VPS26C: variants seen among roughly 807,000 people sequenced by gnomAD.
VPS26C encodes the protein vacuolar protein sorting-associated protein 26C.
VPS26C carries 19 observed loss-of-function variants against 30.6 expected under a neutral mutation model. The observed-to-expected ratio is 0.62, with a 90% CI of 0.43 to 0.91. The LOEUF (loss-of-function observed/expected upper bound fraction) is 0.91. VPS26C is among the 40% of genes least tolerant of loss of function. VPS26C has a pLI of 0.00. For synonymous variants in VPS26C, 132 were observed against 151.5 expected (o/e 0.87, Z 0.95); for missense variants, 318 against 385.1 (o/e 0.83, Z 1.46).
Position 37,227,675 on chromosome 21 carries a change from C to G in VPS26C, c.790G>C (p.Glu264Gln). Residue 264 changes from glutamate to glutamine, a missense_variant, in exon 7 of 8, where the codon GAG (glutamate) becomes CAG (glutamine). Physicochemically the swap from Glu to Gln is conservative, Grantham distance 29. Transcript: ENST00000309117. ...TTACCCACTTTGAAGTTGGTGGTCTCCAGTGTAGGGCAGGTGAACAGCCTA... is the reference window on the plus strand; with the variant it reads ...TTACCCACTTTGAAGTTGGTGGTCTGCAGTGTAGGGCAGGTGAACAGCCTA... ...FPRLFTCPTL[E>Q]TTNFKVEFEV... is the part of the protein sequence containing the mutation. 6.2e-7 allele frequency: 1 copy of G among 1,614,136 alleles called. No individual in the cohort carries two copies. Among genetic ancestry groups the G allele is most frequent in the South Asian group, 1.1e-5 (1 of 91,086 alleles).
At chr21:37,227,139 T>A (rs2027601) in intron 7 of VPS26C, 1 of 153,052 alleles carries the variant, frequency 6.5e-6, no homozygotes, top group Non-Finnish European at 1.5e-5. Context: ...CCTTCCTGCT[T>A]CTGAGCGCTC....
At chr21:37,266,898 C>G (rs2086368290) in intron 1 of VPS26C, 1 of 400,430 alleles carries the variant, frequency 2.5e-6, no homozygotes, top group Admixed American at 4.6e-5. Context: ...CCGCCCTCAG[C>G]GCTCACTGAG....
At chr21:37,244,590 G>T in intron 1 of VPS26C, among the ~76,000 whole-genome samples, 1 of 152,124 alleles carries the variant, frequency 6.6e-6, no homozygotes, top group Non-Finnish European at 1.5e-5. Flanking sequence ...TTTCTTATTT[G>T]TTCTCTGTAA....
intron 3 of VPS26C, among the ~76,000 whole-genome samples, chr21:37,236,814 T>C (rs2086029730): frequency 6.6e-6 from 1 of 152,168 alleles, no homozygotes; most frequent in African/African-American, 2.4e-5. Context: ...TAAAATCTGA[T>C]GATGAAAAGA....
intron 1 of VPS26C, among the ~76,000 whole-genome samples, chr21:37,248,278 A>G (rs997923863): frequency 1.4e-5 from 2 of 141,982 alleles, no homozygotes; most frequent in Admixed American, 7.9e-5. Context: ...TGTCCATGAT[A>G]TACTTTTAAA....
At chr21:37,254,804 GA>G (rs550298178) in intron 1 of VPS26C, among the ~76,000 whole-genome samples, 16 of 145,526 alleles carry the variant, frequency 1.1e-4, no homozygotes, top group South Asian at 6.5e-4. Flanking sequence ...ACTCTGTCTA[GA>G]AAAAAAAAAT....
chr21:37,254,595 A>G (rs1276277329), intron 1 of VPS26C, among the ~76,000 whole-genome samples: 1 of 152,108 alleles, frequency 6.6e-6, no homozygotes, highest in Non-Finnish European at 1.5e-5. Context: ...GGAATCACCT[A>G]AGGTCACAAG....
At position 37,235,428 on chromosome 21, in the gene VPS26C, C is replaced by T. The variant is rs530170314; in HGVS notation, c.352-1986G>A. 1.7e-4 allele frequency among the ~76,000 whole-genome samples: 26 copies of T among 152,322 alleles called. 1 individual carries two copies. The highest frequency in any genetic ancestry group is 2.8e-4 in the Non-Finnish European group (19 of 68,036). ...GGATTACAGGCGTGAGCCACGGTGCCCAGCCCTGTCCATAGTTTTAAAGTA... is the reference window on the plus strand; with the variant it reads ...GGATTACAGGCGTGAGCCACGGTGCTCAGCCCTGTCCATAGTTTTAAAGTA... On this transcript the variant is annotated intron_variant, in intron 3 of 7. Coordinates refer to ENST00000309117, the MANE Select transcript of VPS26C (RefSeq NM_006052.2).
intron 1 of VPS26C, among the ~76,000 whole-genome samples, chr21:37,245,904 T>C (rs1222163235): frequency 6.6e-6 from 1 of 151,378 alleles, no homozygotes; most frequent in Non-Finnish European, 1.5e-5. Context: ...AGAAAAGAAG[T>C]AAAAGGAAAA....
Position 37,267,290 on chromosome 21 carries a change from C to T in VPS26C, c.5G>A (p.Gly2Glu), listed in dbSNP as rs766206465. Residue 2 changes from glycine to glutamate, a missense_variant, in exon 1 of 8, where the codon GGG (glycine) becomes GAG (glutamate). Coordinates refer to ENST00000309117, the MANE Select transcript of VPS26C (RefSeq NM_006052.2). ...TTTAATCTTGATGTCCAGGGCGGTC[C>T]CCATCTCCAATTCTCCGCAGCAGCC... M[G>E]TALDIKIKRA... 3 of 1,594,760 alleles carry T rather than the reference C, an allele frequency of 1.9e-6. No homozygotes were observed. The highest frequency in any genetic ancestry group is 4.6e-5 in the East Asian group (2 of 43,240).
At position 37,225,547 on chromosome 21, in the gene VPS26C, T is replaced by G; in HGVS notation, c.891A>C (p.Ile297=). 1 of 1,613,964 alleles carries G rather than the reference T, an allele frequency of 6.2e-7. No individual in the cohort carries two copies. The highest frequency in any genetic ancestry group is 1.7e-4 in the Middle Eastern group (1 of 6,042). Residue 297 remains isoleucine (I), a synonymous_variant, in exon 8 of 8, where the codon ATA becomes ATC. Coordinates refer to ENST00000309117, the MANE Select transcript of VPS26C (RefSeq NM_006052.2). The stretch of plus-strand genomic sequence containing the variant: ...CTCTATGCTTCCCTCCTCCGGGCTA[T>G]ATCCTGCAGAGCTTCAGCGGGAAGT... The part of the protein sequence containing the change: ...TENFPLKLCR[I]
At chr21:37,260,288 C>T (rs2086290956) in intron 1 of VPS26C, among the ~76,000 whole-genome samples, 1 of 151,978 alleles carries the variant, frequency 6.6e-6, no homozygotes, top group African/African-American at 2.4e-5. Flanking sequence ...TTAGGTGTTT[C>T]CATGGGAAAT....
At position 37,267,309 on chromosome 21, in the gene VPS26C, A is replaced by T. The variant is rs200214927; in HGVS notation, c.-15T>A. On this transcript the variant is annotated 5_prime_UTR_variant, in exon 1 of 8. Transcript: ENST00000309117. ...GCGGTCCCCATCTCCAATTCTCCGCAGCAGCCGCCACTTCCGGCTGCGCGT... is the reference window on the plus strand; with the variant it reads ...GCGGTCCCCATCTCCAATTCTCCGCTGCAGCCGCCACTTCCGGCTGCGCGT... 2.6e-6 allele frequency: 4 copies of T among 1,546,376 alleles called. No homozygotes were observed. Among genetic ancestry groups the T allele is most frequent in the Non-Finnish European group, 2.6e-6 (3 of 1,139,180 alleles).
chr21:37,245,923 C>T (rs2086134101), intron 1 of VPS26C, among the ~76,000 whole-genome samples: 1 of 151,946 alleles, frequency 6.6e-6, no homozygotes, highest in African/African-American at 2.4e-5. Context: ...AAAATCAAAC[C>T]ACCACAGAAA....
chr21:37,252,227 G>A (rs970813628), intron 1 of VPS26C, among the ~76,000 whole-genome samples: 3 of 152,218 alleles, frequency 2.0e-5, no homozygotes, highest in African/African-American at 7.2e-5. Context: ...TTAATTGCTT[G>A]TTGAAACACT....
intron 1 of VPS26C, among the ~76,000 whole-genome samples, chr21:37,259,557 G>C (rs747876881): frequency 5.9e-5 from 9 of 152,098 alleles, no homozygotes; most frequent in Non-Finnish European, 1.2e-4. Context: ...TTTACTGCAG[G>C]ATTTTTCTAA....
chr21:37,267,718 T>C (rs556893158), upstream of VPS26C: 4 of 238,958 alleles, frequency 1.7e-5, no homozygotes, highest in African/African-American at 9.3e-5. Flanking sequence ...GCAGGAAGGA[T>C]GACGCTCCCG....
rs541989262 is a variant in VPS26C, at chr21:37,238,743, C to T, written c.202-134G>A. The stretch of plus-strand genomic sequence containing the variant: ...TCCTGCTGTCTTCGGCAGCTCTGCG[C>T]TGGGTCTGGAGATGAACAGTGACTT... On this transcript the variant is annotated intron_variant, in intron 2 of 7. Transcript: ENST00000309117. 76 of 995,206 alleles carry T rather than the reference C, an allele frequency of 7.6e-5. No homozygotes were observed. The South Asian group carries it at 1.2e-3, about 15-fold the overall frequency. 61.6% of individuals were successfully genotyped at this position (995,206 alleles called of 1,614,324 possible).
Position 37,233,230 on chromosome 21 carries a change from G to A in VPS26C, c.432+132C>T. 2.7e-6 allele frequency: 2 copies of A among 745,682 alleles called. No homozygotes were observed. The highest frequency in any genetic ancestry group is 3.2e-5 in the South Asian group (2 of 62,050). The allele number at this position is 745,682 out of a possible 1,614,324, so 46.2% of individuals were successfully genotyped here. A position where few individuals can be genotyped will look rare whatever the true frequency, so the allele number is the denominator to read the frequency against. On this transcript the variant is annotated intron_variant, in intron 4 of 7. Transcript: ENST00000309117. This position sits in a 1 kb window ranked among gnomAD's most constrained non-coding sequence, Gnocchi z 5.2. Reference sequence around the variant, plus strand: ...CATGCCACCGACTGTCTCTGACCCAGAAGTCTTGTGTCTTCTGCCAGCACC... The same window carrying A: ...CATGCCACCGACTGTCTCTGACCCAAAAGTCTTGTGTCTTCTGCCAGCACC...
Sources: gnomAD v4.1 joint callset for allele counts (sites outside exome capture counted in the v4.1 genomes callset) on GRCh38, gnomAD v4.1.1 for gene constraint, Gnocchi (gnomAD v3.1) non-coding constraint, MANE v1.5 for transcripts, NCBI Gene and HGNC (gene_info 2026-07-23, HGNC 2026-07-21) for gene names.